Variants in MYT1L observed in about 807,000 individuals in gnomAD.
MYT1L encodes myelin transcription factor 1 like, also known as myelin transcription factor 1-like protein.
In MYT1L, 12 loss-of-function variants were observed where a neutral mutation model predicts 126.7. That is an observed-to-expected ratio of 0.09 (90% CI 0.06 to 0.15). The LOEUF (loss-of-function observed/expected upper bound fraction) is 0.15, where lower values mean the gene tolerates loss of function less well. MYT1L is among the 10% of genes least tolerant of loss of function. The probability of loss-of-function intolerance (pLI) is 1.00; values close to 1 mark genes in which losing one functional copy is unlikely to be tolerated. For synonymous variants in MYT1L, 541 were observed against 604.2 expected (o/e 0.90, Z 1.53); for missense variants, 979 against 1,585.2 (o/e 0.62, Z 6.49).
intron 8 of MYT1L, among the ~76,000 whole-genome samples, chr2:1,964,702 T>C (rs1394721925): frequency 6.6e-6 from 1 of 152,214 alleles, no homozygotes; most frequent in Non-Finnish European, 1.5e-5. Context: ...ATTAAGGACC[T>C]AAGAATAATA....
rs2036647776 is a variant in MYT1L, at chr2:1,811,486, T to G, written c.3081-2319A>C. On this transcript the variant is annotated intron_variant, in intron 21 of 24. Transcript: ENST00000647738. The surrounding 1 kb of genome is among the most constrained non-coding windows in gnomAD (Gnocchi z 4.4). ...GAAGCCCCAGGAGCAGAGAGGCCTC[T>G]GGGAACTGGGTGGCCTGACAGGGTG... The G allele has an allele frequency of 6.6e-6, 1 of 152,108 alleles. No individual in the cohort carries two copies. Among genetic ancestry groups the G allele is most frequent in the Non-Finnish European group, 1.5e-5 (1 of 68,070 alleles). 9.4% of individuals were successfully genotyped at this position (152,108 alleles called of 1,614,324 possible).
At chr2:2,038,980 T>C (rs2067208835) in intron 4 of MYT1L, among the ~76,000 whole-genome samples, 1 of 152,176 alleles carries the variant, frequency 6.6e-6, no homozygotes, top group African/African-American at 2.4e-5. Flanking sequence ...GGGTTGTGAC[T>C]GTTTAGCCAC....
intron 23 of MYT1L, among the ~76,000 whole-genome samples, chr2:1,800,765 G>T (rs1191933020): frequency 6.6e-6 from 1 of 152,088 alleles, no homozygotes. Flanking sequence ...TAGATGGCTG[G>T]CGGTGACACC....
At chr2:1,883,590 T>C (rs1020637943) in intron 18 of MYT1L, among the ~76,000 whole-genome samples, 2 of 152,168 alleles carry the variant, frequency 1.3e-5, no homozygotes, top group Non-Finnish European at 2.9e-5. Context: ...CTTTTTGGCC[T>C]GTGGTCTCAG....
chr2:2,179,628 C>A (rs1402775443), intron 2 of MYT1L, among the ~76,000 whole-genome samples: 2 of 152,308 alleles, frequency 1.3e-5, no homozygotes, highest in Middle Eastern at 3.4e-3. Flanking sequence ...GATGAGGAAT[C>A]CCAAGTTCCA....
chr2:2,047,030 T>C (rs2068267382), intron 4 of MYT1L, among the ~76,000 whole-genome samples: 1 of 152,234 alleles, frequency 6.6e-6, no homozygotes. Context: ...AATATTTTTA[T>C]TTGTTAAATT....
In MYT1L at chr2:1,917,083, G is replaced by A. The variant is rs914455281; in HGVS notation, c.1618+122C>T. 4.8e-6 allele frequency: 6 copies of A among 1,252,658 alleles called. No homozygotes were observed. The African/African-American group carries it at 6.0e-5, about 12-fold the overall frequency. The allele number at this position is 1,252,658 out of a possible 1,614,324, so 77.6% of individuals were successfully genotyped here. ...ATCAGTTGCCCATCAAGTTAAGTAG[G>A]GGCCTAGTTAAATCAGGTCGCACCG... On this transcript the variant is annotated intron_variant, in intron 11 of 24. Transcript: ENST00000647738. The surrounding 1 kb of genome is among the most constrained non-coding windows in gnomAD (Gnocchi z 5.9).
In MYT1L at chr2:1,889,045, T is replaced by G. The variant is rs2048498337; in HGVS notation, c.2520+196A>C. On this transcript the variant is annotated intron_variant, in intron 16 of 24. Coordinates refer to ENST00000647738, the MANE Select transcript of MYT1L (RefSeq NM_001303052.2). The surrounding 1 kb of genome is among the most constrained non-coding windows in gnomAD (Gnocchi z 4.1). ...TTATCATTTACAAGAGTCAATACTT[T>G]GTTTCACTCTAATCAATGTTAGTCG... is the stretch of plus-strand genomic sequence containing the variant. Among the ~76,000 whole-genome samples the G allele has an allele frequency of 6.6e-6, 1 of 152,250 alleles. No individual in the cohort carries two copies. Among genetic ancestry groups the G allele is most frequent in the Non-Finnish European group, 1.5e-5 (1 of 68,046 alleles).
chr2:2,050,307 G>A (rs978277639), intron 4 of MYT1L, among the ~76,000 whole-genome samples: 9 of 152,286 alleles, frequency 5.9e-5, no homozygotes, highest in Non-Finnish European at 8.8e-5. Flanking sequence ...CAGAGTTGGA[G>A]CTATTTCAGC....
intron 2 of MYT1L, among the ~76,000 whole-genome samples, chr2:2,266,060 A>C (rs1411186235): frequency 6.6e-6 from 1 of 152,212 alleles, no homozygotes; most frequent in Non-Finnish European, 1.5e-5. Flanking sequence ...ACAGCCCTTC[A>C]CAGCCTGCTG....
At chr2:1,830,300 G>A (rs1233281992) in intron 21 of MYT1L, among the ~76,000 whole-genome samples, 3 of 152,174 alleles carry the variant, frequency 2.0e-5, no homozygotes, top group Non-Finnish European at 4.4e-5. Flanking sequence ...TCAATGTCCT[G>A]ATCTTTAAAA....
intron 2 of MYT1L, among the ~76,000 whole-genome samples, chr2:2,192,426 T>C (rs144216627): frequency 0.012 from 1,773 of 152,236 alleles, 21 homozygotes; most frequent in Non-Finnish European, 0.016. Context: ...CATTTTTTTT[T>C]TTTTTTCATA....
intron 19 of MYT1L, among the ~76,000 whole-genome samples, chr2:1,850,920 A>C (rs1256741614): frequency 6.6e-6 from 1 of 152,154 alleles, no homozygotes; most frequent in Admixed American, 6.5e-5. Flanking sequence ...ACAGGAGCTC[A>C]TTGCATGGCG....
intron 21 of MYT1L, chr2:1,809,797 T>C (rs1193852000): frequency 6.6e-6 from 1 of 152,452 alleles, no homozygotes; most frequent in Non-Finnish European, 1.5e-5. Context: ...TTCACTTTTC[T>C]CAGCCACTGG....
chr2:2,267,436 G>A (rs1039196676), intron 2 of MYT1L, among the ~76,000 whole-genome samples: 1 of 152,196 alleles, frequency 6.6e-6, no homozygotes, highest in Non-Finnish European at 1.5e-5. Flanking sequence ...GCTTTAGTAT[G>A]TTCTAGAAAG....
intron 21 of MYT1L, among the ~76,000 whole-genome samples, chr2:1,815,152 G>A (rs1449819210): frequency 2.0e-5 from 3 of 152,276 alleles, no homozygotes; most frequent in South Asian, 2.1e-4. Flanking sequence ...GTGAGGTTCC[G>A]TCCTGTGGAA....
chr2:2,145,707 C>T (rs2148234000), intron 3 of MYT1L, among the ~76,000 whole-genome samples: 1 of 151,902 alleles, frequency 6.6e-6, no homozygotes, highest in South Asian at 2.1e-4. Flanking sequence ...AAAAAGATAC[C>T]TGTAATGGTG....
intron 4 of MYT1L, among the ~76,000 whole-genome samples, chr2:2,042,837 A>G (rs763649142): frequency 3.3e-5 from 5 of 152,136 alleles, no homozygotes; most frequent in Non-Finnish European, 7.4e-5. Context: ...TCTTGATGTC[A>G]TGACAGCAGG....
At chr2:2,201,743 G>A (rs2093084298) in intron 2 of MYT1L, among the ~76,000 whole-genome samples, 1 of 151,678 alleles carries the variant, frequency 6.6e-6, no homozygotes, top group African/African-American at 2.4e-5. Flanking sequence ...AACCTTTCAA[G>A]TGGTATTTTC....
Sources: allele counts gnomAD v4.1 joint callset (sites outside exome capture counted in the v4.1 genomes callset), GRCh38; gene constraint gnomAD v4.1.1; non-coding constraint Gnocchi (gnomAD v3.1); transcripts MANE v1.5; gene names NCBI Gene and HGNC (gene_info 2026-07-23, HGNC 2026-07-21).